Variants in VASH2 observed in about 807,000 individuals in gnomAD.
VASH2 encodes the protein vasohibin 2.
Under a neutral mutation model 37.2 loss-of-function variants are expected in VASH2, and 28 were observed. The observed-to-expected ratio is 0.75, with a 90% CI of 0.56 to 1.03. The LOEUF (loss-of-function observed/expected upper bound fraction) is 1.03. VASH2 is among the 50% of genes least tolerant of loss of function. The pLI, the probability that VASH2 is intolerant of heterozygous loss-of-function variation, is 0.00. For synonymous variants in VASH2, 188 were observed against 174.7 expected, an observed-to-expected ratio of 1.08 and a Z score of -0.60; for missense variants, 419 against 459.1, an observed-to-expected ratio of 0.91 and a Z score of 0.80.
chr1:212,979,466 T>C (rs1246480186), intron 7 of VASH2, among the ~76,000 whole-genome samples: 2 of 152,110 alleles, frequency 1.3e-5, no homozygotes, highest in African/African-American at 2.4e-5. Context: ...GGTGGAAAAT[T>C]ACCATAACAG....
chr1:212,957,295 G>A (rs895870867), intron 2 of VASH2, among the ~76,000 whole-genome samples: 4 of 152,158 alleles, frequency 2.6e-5, no homozygotes, highest in Non-Finnish European at 5.9e-5. Flanking sequence ...TCTGTCAATG[G>A]ACACTTGGGT....
chr1:212,979,227 G>A (rs900145635), intron 7 of VASH2, among the ~76,000 whole-genome samples: 2 of 152,174 alleles, frequency 1.3e-5, no homozygotes, highest in Admixed American at 6.5e-5. Flanking sequence ...CATGGCCTTC[G>A]CCAAGCAGCC....
chr1:212,983,164 C>T (rs543965100), intron 7 of VASH2, among the ~76,000 whole-genome samples: 50 of 152,326 alleles, frequency 3.3e-4, no homozygotes, highest in Middle Eastern at 3.4e-3. Context: ...CTGGTCCCTC[C>T]TTTCAAATTG....
rs969009867 is a variant in VASH2, at chr1:212,990,324, T to G, written c.*1740T>G. On this transcript the variant is annotated 3_prime_UTR_variant, in exon 8 of 8. Transcript: ENST00000517399. ...CAGTTTAATCTCTTTAAGAACAGTA[T>G]TATCAGAGTTTAAAATGAGTTAGCT... The G allele has an allele frequency of 1.3e-5, 2 of 152,192 alleles. No individual in the cohort carries two copies. The highest frequency in any genetic ancestry group is 2.9e-5 in the Non-Finnish European group (2 of 68,028). The allele number at this position is 152,192 out of a possible 1,614,324, so 9.4% of individuals were successfully genotyped here. A position where few individuals can be genotyped will look rare whatever the true frequency, so the allele number is the denominator to read the frequency against.
intron 6 of VASH2, chr1:212,973,392 G>T: frequency 7.7e-7 from 1 of 1,291,898 alleles, no homozygotes; most frequent in African/African-American, 1.5e-5. Flanking sequence ...CCTCCAAAGT[G>T]ATGTGATTCC....
At chr1:212,981,324 A>G (rs1172656029) in intron 7 of VASH2, among the ~76,000 whole-genome samples, 2 of 152,210 alleles carry the variant, frequency 1.3e-5, no homozygotes, top group Non-Finnish European at 2.9e-5. Flanking sequence ...CATCAGGGGA[A>G]GCAAGGAATG....
intron 2 of VASH2, among the ~76,000 whole-genome samples, chr1:212,954,670 G>A (rs111422843): frequency 0.01 from 1,535 of 152,124 alleles, 12 homozygotes; most frequent in Non-Finnish European, 0.016. Flanking sequence ...TGCCCACCTC[G>A]GCCTCCCAAA....
chr1:212,988,417 G>A, intron 7 of VASH2, 95 bp from the exon 8 acceptor site: 2 of 1,278,272 alleles, frequency 1.6e-6, no homozygotes, highest in Non-Finnish European at 2.2e-6. Context: ...AATATCAGAA[G>A]GATTAGGAAA....
At chr1:212,968,595 C>G (rs1666917072) in intron 5 of VASH2, 1 of 985,396 alleles carries the variant, frequency 1.0e-6, no homozygotes, top group South Asian at 4.7e-5. Context: ...CCCTCCCCAA[C>G]CCTCTTGTCA....
chr1:212,951,469 A>G lies in VASH2; in HGVS notation c.-74A>G. The G allele has an allele frequency of 2.1e-6, 2 of 956,970 alleles. No homozygotes were observed. The highest frequency in any genetic ancestry group is 6.3e-5 in the East Asian group (1 of 15,876). The allele number at this position is 956,970 out of a possible 1,614,324, so 59.3% of individuals were successfully genotyped here. ...TGATCCCCTCGCCGCGCCCGCGCGC[A>G]CACGCCCCCCGCCGCCGCCGCCGCT... is the stretch of plus-strand genomic sequence containing the variant. On this transcript the variant is annotated 5_prime_UTR_variant, in exon 2 of 8. Coordinates refer to ENST00000517399, the MANE Select transcript of VASH2 (RefSeq NM_001301056.2). The surrounding 1 kb of genome is among the most constrained non-coding windows in gnomAD (Gnocchi z 4.4).
Position 212,981,562 on chromosome 1 carries a change from G to A in VASH2, c.996-6950G>A, listed in dbSNP as rs186421455. On this transcript the variant is annotated intron_variant, in intron 7 of 7. Transcript: ENST00000517399. ...AAATGCTGGGCCAAGAGCACCCCTG[G>A]TTTAATCTCTTCCACATTCTTAACA... Among the ~76,000 whole-genome samples, 277 of 152,316 alleles carry A rather than the reference G, an allele frequency of 1.8e-3. 1 individual carries two copies. Among genetic ancestry groups the A allele is most frequent in the Non-Finnish European group, 3.4e-3 (234 of 68,028 alleles).
At position 212,984,492 on chromosome 1, in the gene VASH2, G is replaced by A. The variant is rs527704963; in HGVS notation, c.996-4020G>A. On this transcript the variant is annotated intron_variant, in intron 7 of 7. Transcript: ENST00000517399. ...TTTCTAGGAGAGACTGTCGGGCACA[G>A]GACTGAGGGAGAGATAACAGGTCAG... Among the ~76,000 whole-genome samples the A allele has an allele frequency of 8.5e-5, 13 of 152,278 alleles. No individual in the cohort carries two copies. The South Asian group carries it at 2.7e-3, about 32-fold the overall frequency.
At chr1:212,961,340 G>C in intron 3 of VASH2, 86 bp downstream of exon 3, 2 of 1,602,146 alleles carry the variant, frequency 1.2e-6, no homozygotes, top group Non-Finnish European at 1.7e-6. Flanking sequence ...GTCCCCAGCT[G>C]GTCATCAAAA....
At chr1:212,987,142 T>C (rs887827273) in intron 7 of VASH2, among the ~76,000 whole-genome samples, 2 of 152,230 alleles carry the variant, frequency 1.3e-5, no homozygotes, top group African/African-American at 4.8e-5. Context: ...TTTCTAGTTC[T>C]ATCAACATTG....
At position 212,972,897 on chromosome 1, in the gene VASH2, C is replaced by T; in HGVS notation, c.815C>T (p.Ser272Leu). The change falls in exon 6 of 8, where the codon TCA (serine) becomes TTA (leucine). Residue 272 changes from serine (S) to leucine (L), a missense_variant. Coordinates refer to ENST00000517399, the MANE Select transcript of VASH2 (RefSeq NM_001301056.2). Reference sequence around the variant, plus strand: ...TGGAAGCAGCTGGTCCTCAACGTCTCAAAGATGCTGAGGGCTGACATAAGG... The same window carrying T: ...TGGAAGCAGCTGGTCCTCAACGTCTTAAAGATGCTGAGGGCTGACATAAGG... ...IEWKQLVLNV[S>L]KMLRADIRKE... is the part of the protein sequence containing the mutation. The T allele has an allele frequency of 2.5e-6, 4 of 1,614,070 alleles. No individual in the cohort carries two copies. Among genetic ancestry groups the T allele is most frequent in the Non-Finnish European group, 3.4e-6 (4 of 1,180,028 alleles).
intron 3 of VASH2, among the ~76,000 whole-genome samples, chr1:212,963,678 G>A (rs1666750137): frequency 6.6e-6 from 1 of 152,056 alleles, no homozygotes; most frequent in African/African-American, 2.4e-5. Context: ...CTCCCACTCA[G>A]GGCATGTTTA....
At chr1:212,968,087 T>G in intron 5 of VASH2, 1 of 522,408 alleles carries the variant, frequency 1.9e-6, no homozygotes, top group Non-Finnish European at 2.5e-6. Flanking sequence ...GAGGATCGGA[T>G]TTAGGGAAAG....
At chr1:212,984,343 C>A (rs1009506095) in intron 7 of VASH2, among the ~76,000 whole-genome samples, 1 of 152,074 alleles carries the variant, frequency 6.6e-6, no homozygotes, top group East Asian at 1.9e-4. Flanking sequence ...AGTGGCTTCT[C>A]GAGGAGGTGG....
At chr1:212,969,337 A>T (rs905608481) in intron 5 of VASH2, 1 of 310,986 alleles carries the variant, frequency 3.2e-6, no homozygotes, top group Admixed American at 6.5e-5. Flanking sequence ...GGACAACAAC[A>T]GGCGCACGCC....
Sources: gnomAD v4.1 joint callset for allele counts (sites outside exome capture counted in the v4.1 genomes callset) on GRCh38, gnomAD v4.1.1 for gene constraint, Gnocchi (gnomAD v3.1) non-coding constraint, MANE v1.5 for transcripts, NCBI Gene and HGNC (gene_info 2026-07-23, HGNC 2026-07-21) for gene names.